The following CSGALNACT1 variants were observed in gnomAD, a reference collection of about 807,000 sequenced individuals.
The protein encoded by CSGALNACT1 is chondroitin sulfate N-acetylgalactosaminyltransferase 1, also known as beta4GalNAcT-1.
In CSGALNACT1, 52 loss-of-function variants were observed where a neutral mutation model predicts 51.0. The ratio of observed to expected loss-of-function variants is 1.02; its 90% confidence interval spans 0.82 to 1.29. CSGALNACT1 has a LOEUF of 1.29. Ranked by LOEUF, CSGALNACT1 falls within the 50% of genes most tolerant of loss-of-function variation. CSGALNACT1 has a pLI of 0.00. For missense variants in CSGALNACT1, 935 were observed against 679.2 expected (o/e 1.38, Z -4.19); for synonymous variants, 341 against 254.4 (o/e 1.34, Z -3.24).
chr8:19,638,108 C>G (rs558931515), intron 1 of CSGALNACT1, among the ~76,000 whole-genome samples: 1 of 147,820 alleles, frequency 6.8e-6, no homozygotes, highest in South Asian at 2.2e-4. Context: ...AAACCAACGA[C>G]TGTCTAAAAT....
intron 6 of CSGALNACT1, among the ~76,000 whole-genome samples, chr8:19,429,217 C>T (rs2059283501): frequency 6.6e-6 from 1 of 152,152 alleles, no homozygotes; most frequent in Non-Finnish European, 1.5e-5. Flanking sequence ...TACTCTGTCA[C>T]CCAGGCTGGA....
chr8:19,647,281 A>G (rs546355397), intron 1 of CSGALNACT1, among the ~76,000 whole-genome samples: 170 of 152,154 alleles, frequency 1.1e-3, no homozygotes, highest in Non-Finnish European at 2.1e-3. Flanking sequence ...GCTACACACA[A>G]TGGCTCATCC....
intron 1 of CSGALNACT1, among the ~76,000 whole-genome samples, chr8:19,628,300 C>A (rs2054713251): frequency 6.6e-6 from 1 of 152,142 alleles, no homozygotes; most frequent in African/African-American, 2.4e-5. Context: ...TAAGGTACAT[C>A]TTACATGGTG....
At chr8:19,408,576 G>A (rs371171881) in intron 9 of CSGALNACT1, 37 bp downstream of exon 8, 8 of 1,569,780 alleles carry the variant, frequency 5.1e-6, no homozygotes, top group Admixed American at 1.7e-5. Flanking sequence ...TGGGCCCGTG[G>A]CCTCTGGGTG....
chr8:19,607,474 G>T (rs1052235385), upstream of CSGALNACT1, among the ~76,000 whole-genome samples: 1 of 152,150 alleles, frequency 6.6e-6, no homozygotes, highest in Non-Finnish European at 1.5e-5. Flanking sequence ...ATGGACCTCC[G>T]TAAAAGAGCT....
intron 1 of CSGALNACT1, among the ~76,000 whole-genome samples, chr8:19,677,043 G>A (rs1182668749): frequency 6.6e-6 from 1 of 151,642 alleles, no homozygotes; most frequent in Admixed American, 6.6e-5. Flanking sequence ...AGGGAGTGTA[G>A]AAAATTCTTT....
chr8:19,603,348 C>G (rs144541675), upstream of CSGALNACT1, among the ~76,000 whole-genome samples: 1 of 152,330 alleles, frequency 6.6e-6, no homozygotes, highest in African/African-American at 2.4e-5. Flanking sequence ...TACCCACCCA[C>G]TCTCACCCCA....
At chr8:19,463,180 T>C (rs543632479) in intron 4 of CSGALNACT1, among the ~76,000 whole-genome samples, 18 of 152,348 alleles carry the variant, frequency 1.2e-4, no homozygotes, top group African/African-American at 4.3e-4. Flanking sequence ...TGTGTAGTAC[T>C]CCATGGTATA....
intron 3 of CSGALNACT1, among the ~76,000 whole-genome samples, chr8:19,578,017 A>T (rs373831184): frequency 4.6e-5 from 7 of 152,288 alleles, no homozygotes; most frequent in East Asian, 3.9e-4. Flanking sequence ...GGAGCAATGG[A>T]AAAAATTACT....
At chr8:19,481,978 G>A (rs1304799168) in intron 4 of CSGALNACT1, among the ~76,000 whole-genome samples, 1 of 152,034 alleles carries the variant, frequency 6.6e-6, no homozygotes, top group Non-Finnish European at 1.5e-5. Context: ...TCCATATACT[G>A]CAGCTACTCA....
intron 3 of CSGALNACT1, among the ~76,000 whole-genome samples, chr8:19,574,050 AG>A (rs544586806): frequency 6.6e-6 from 1 of 152,184 alleles, no homozygotes; most frequent in Non-Finnish European, 1.5e-5. Flanking sequence ...CCTCCAGATA[AG>A]CTGGGAATAC....
intron 6 of CSGALNACT1, among the ~76,000 whole-genome samples, chr8:19,426,255 G>A (rs914079527): frequency 1.3e-5 from 2 of 152,200 alleles, no homozygotes; most frequent in Non-Finnish European, 2.9e-5. Flanking sequence ...AGCCCACTCA[G>A]ATGGGCACCA....
At chr8:19,565,467 T>G (rs528798249) in intron 3 of CSGALNACT1, among the ~76,000 whole-genome samples, 23 of 152,338 alleles carry the variant, frequency 1.5e-4, no homozygotes, top group African/African-American at 5.5e-4. Context: ...TTCATTCATC[T>G]CAGGTAGTTA....
chr8:19,630,591 C>T (rs1373775548), intron 1 of CSGALNACT1, among the ~76,000 whole-genome samples: 4 of 152,192 alleles, frequency 2.6e-5, no homozygotes, highest in Non-Finnish European at 5.9e-5. Flanking sequence ...TATCAGGCAG[C>T]ATAATGTTAC....
chr8:19,672,946 C>T (rs1427816123), intron 1 of CSGALNACT1, among the ~76,000 whole-genome samples: 1 of 152,246 alleles, frequency 6.6e-6, no homozygotes, highest in Non-Finnish European at 1.5e-5. Flanking sequence ...ATGGAAACCT[C>T]TGAGTTTTAA....
rs543137803 is a variant in CSGALNACT1, at chr8:19,435,818, T to C, written c.953+4012A>G. Among the ~76,000 whole-genome samples the C allele has an allele frequency of 2.6e-5, 4 of 152,316 alleles. No homozygotes were observed. In the East Asian group the frequency reaches 7.7e-4, roughly 29 times the overall value. On this transcript the variant is annotated intron_variant, in intron 6 of 9. Coordinates refer to ENST00000454498, the Ensembl canonical transcript of CSGALNACT1. ...CGATTTGTATTTCTGTCTATGTTAG[T>C]AGCTTTTAAACATTTTGACCATGAT...
chr8:19,499,810 T>C (rs772301799), intron 4 of CSGALNACT1, among the ~76,000 whole-genome samples: 1 of 152,218 alleles, frequency 6.6e-6, no homozygotes, highest in Admixed American at 6.5e-5. Context: ...ATTAAGAATG[T>C]CAATTCTGAG....
intron 1 of CSGALNACT1, among the ~76,000 whole-genome samples, chr8:19,723,435 C>A (rs2063232847): frequency 6.6e-6 from 1 of 152,182 alleles, no homozygotes; most frequent in East Asian, 1.9e-4. Context: ...ATGCAAGGTA[C>A]CATTCTGAAA....
intron 1 of CSGALNACT1, among the ~76,000 whole-genome samples, chr8:19,657,973 T>C (rs1006302441): frequency 2.0e-5 from 3 of 151,520 alleles, no homozygotes; most frequent in African/African-American, 2.4e-5. Context: ...TTAAGGTCTC[T>C]TTCAACCTTG....
Sources: allele counts gnomAD v4.1 joint callset (sites outside exome capture counted in the v4.1 genomes callset), GRCh38; gene constraint gnomAD v4.1.1; transcripts MANE v1.5; gene names NCBI Gene and HGNC (gene_info 2026-07-23, HGNC 2026-07-21).